GPI: variants seen among roughly 807,000 people sequenced by gnomAD.
GPI encodes the protein D-hexose-6-phosphate anomerase.
Under a neutral mutation model 75.8 loss-of-function variants are expected in GPI, and 56 were observed. The ratio of observed to expected loss-of-function variants is 0.74; its 90% CI spans 0.60 to 0.92. GPI has a LOEUF of 0.92. Ranked by LOEUF, GPI falls within the 40% of genes least tolerant of loss-of-function variation. The pLI is 0.00. For missense variants in GPI, 638 were observed against 741.0 expected, an observed-to-expected ratio of 0.86 and a Z score of 1.61; for synonymous variants, 288 against 285.4, an observed-to-expected ratio of 1.01 and a Z score of -0.09.
chr19:34,377,337 ATATATATAT>A (rs1386023859), intron 4 of GPI, among the ~76,000 whole-genome samples, 157 bp from the exon 5 acceptor site: 3 of 25,942 alleles, frequency 1.2e-4, no homozygotes, highest in Non-Finnish European at 1.9e-4. Context: ...AAAAAAAAAA[ATATATATAT>A]ATATATATAT....
Position 34,401,633 on chromosome 19 carries a change from C to G in GPI, c.*1597C>G, listed in dbSNP as rs1023299178. ...GGATTACAGGCGTGAGCCGCCACACCCAGCCTATTCAAAATTTTTTTTTCT... is the reference window on the plus strand; with the variant it reads ...GGATTACAGGCGTGAGCCGCCACACGCAGCCTATTCAAAATTTTTTTTTCT... On this transcript the variant is annotated 3_prime_UTR_variant, in exon 18 of 18. Transcript: ENST00000356487. The G allele has an allele frequency of 6.6e-6, 1 of 152,244 alleles. No homozygotes were observed. The highest frequency in any genetic ancestry group is 1.5e-5 in the Non-Finnish European group (1 of 68,116). The allele number at this position is 152,244 out of a possible 1,614,324, so 9.4% of individuals were successfully genotyped here.
rs757180020 is a variant in GPI, at chr19:34,366,848, C to T, written c.279C>T (p.Thr93=). The change falls in exon 3 of 18, where the codon ACC becomes ACT. Residue 93 remains threonine (T), a synonymous_variant. Transcript: ENST00000356487. ...TCAATGGTGAGAAGATCAACTACAC[C>T]GAGGTGAGCAGGCCCCACATACCCT... The part of the protein sequence containing the change: ...RMFNGEKINY[T]EGRAVLHVAL... The T allele has an allele frequency of 4.2e-5, 68 of 1,610,836 alleles. No homozygotes were observed. The highest frequency in any genetic ancestry group is 2.4e-4 in the South Asian group (22 of 91,012).
rs2074910112 is a variant in GPI at position 34,394,075 on chromosome 19, T to C, written c.1062+9T>C. 2 of 1,607,650 alleles carry C rather than the reference T, an allele frequency of 1.2e-6. No homozygotes were observed. Among genetic ancestry groups the C allele is most frequent in the African/African-American group, 1.3e-5 (1 of 74,886 alleles). On this transcript the variant is annotated intron_variant, in intron 12 of 17. Transcript: ENST00000356487. The stretch of plus-strand genomic sequence containing the variant: ...CTGCGTACTTCCAGCAGGTACCAGC[T>C]GCCAAGCCAGGCCTTGGAGTCAGCA...
At position 34,402,025 on chromosome 19, in the gene GPI, G is replaced by A. The variant is rs1473371259; in HGVS notation, c.*1989G>A. On this transcript the variant is annotated 3_prime_UTR_variant, in exon 18 of 18. Coordinates refer to ENST00000356487, the MANE Select transcript of GPI (RefSeq NM_000175.5). Reference sequence around the variant, plus strand: ...GGGGTTTCACCGTGTTAGCCAGGATGGTCTTGATCTCCTGACCTCATGATC... The same window carrying A: ...GGGGTTTCACCGTGTTAGCCAGGATAGTCTTGATCTCCTGACCTCATGATC... The A allele has an allele frequency of 1.3e-5, 2 of 151,808 alleles. No homozygotes were observed. The highest frequency in any genetic ancestry group is 2.4e-5 in the African/African-American group (1 of 41,322). The allele number at this position is 151,808 out of a possible 1,614,324, so 9.4% of individuals were successfully genotyped here.
rs1047686261 is a variant in GPI at position 34,387,825 on chromosome 19, A to G, written c.805-5423A>G. Among the ~76,000 whole-genome samples, 102 of 152,118 alleles carry G rather than the reference A, an allele frequency of 6.7e-4. 2 individuals are homozygous for G. Among genetic ancestry groups the G allele is most frequent in the Non-Finnish European group, 1.3e-4 (9 of 68,008 alleles). On this transcript the variant is annotated intron_variant, in intron 9 of 17. Coordinates refer to ENST00000356487, the MANE Select transcript of GPI (RefSeq NM_000175.5). Reference sequence around the variant, plus strand: ...AAGTACTGCTGGGCTTGTTAGGTGAAGTGGGTGGGGTCTAGCACAGGAATG... The same window carrying G: ...AAGTACTGCTGGGCTTGTTAGGTGAGGTGGGTGGGGTCTAGCACAGGAATG...
upstream of GPI, among the ~76,000 whole-genome samples, chr19:34,360,663 C>T (rs1016517347): frequency 2.0e-5 from 3 of 152,186 alleles, no homozygotes; most frequent in Middle Eastern, 3.2e-3. Flanking sequence ...TCCACTTTCC[C>T]TCCACCTTTT....
intron 9 of GPI, among the ~76,000 whole-genome samples, chr19:34,383,488 G>A (rs1053726638): frequency 9.2e-5 from 14 of 152,290 alleles, no homozygotes; most frequent in Admixed American, 1.3e-4. Context: ...TCAGGTAGTG[G>A]GTGGCTGATT....
chr19:34,379,882 G>A (rs1253465142), intron 8 of GPI: 1 of 506,904 alleles, frequency 2.0e-6, no homozygotes, highest in East Asian at 3.7e-5. Context: ...CTCCCCAAAT[G>A]TGACATGCTA....
At chr19:34,397,216 G>A (rs1599858253) in intron 14 of GPI, 1 of 162,334 alleles carries the variant, frequency 6.2e-6, no homozygotes, top group South Asian at 1.7e-4. Context: ...GTTTCTTTCT[G>A]GAGACCTTAG....
At chr19:34,398,857 A>G (rs2074981172) in intron 14 of GPI, 2 of 217,488 alleles carry the variant, frequency 9.2e-6, no homozygotes, top group African/African-American at 2.3e-5. Flanking sequence ...ATGCGCCACC[A>G]TGCCCAGCTA....
At chr19:34,375,364 G>A (rs1262398108) in intron 4 of GPI, among the ~76,000 whole-genome samples, 2 of 151,954 alleles carry the variant, frequency 1.3e-5, no homozygotes, top group Non-Finnish European at 2.9e-5. Context: ...TGACTAGGCT[G>A]GTCTCGAACT....
chr19:34,389,387 C>T (rs939312601), intron 9 of GPI, among the ~76,000 whole-genome samples: 5 of 152,162 alleles, frequency 3.3e-5, no homozygotes, highest in East Asian at 3.8e-4. Context: ...GTCCTCCCAC[C>T]GTGCCTCTCA....
chr19:34,383,143 A>T (rs1374407471), intron 9 of GPI, among the ~76,000 whole-genome samples: 1 of 152,100 alleles, frequency 6.6e-6, no homozygotes. Flanking sequence ...GGGTGTCGGG[A>T]TCAGGCAGGG....
intron 12 of GPI, among the ~76,000 whole-genome samples, chr19:34,395,938 TTTTTTTTC>T (rs1164435827): frequency 6.7e-6 from 1 of 150,330 alleles, no homozygotes; most frequent in East Asian, 1.9e-4. Context: ...TCCTTTTTTT[TTTTTTTTC>T]TTTTTTTTTG....
rs1395092687 is a variant in GPI at position 34,400,016 on chromosome 19, C to T, written c.1657C>T (p.Arg553Cys). 1.2e-5 allele frequency: 19 copies of T among 1,612,786 alleles called. No homozygotes were observed. Among genetic ancestry groups the T allele is most frequent in the Non-Finnish European group, 1.4e-5 (16 of 1,179,978 alleles). The change falls in exon 18 of 18, where the codon CGC becomes TGC. Residue 553 changes from arginine (R) to cysteine (C), a missense_variant. Arg to Cys is a radical substitution (Grantham distance 180). Transcript: ENST00000356487. ...NGLINFIKQQ[R>C]EARVQ ...GCTCATCAACTTCATCAAGCAGCAG[C>T]GCGAGGCCAGAGTCCAATAAACTCG... is the stretch of plus-strand genomic sequence containing the variant.
At chr19:34,369,488 CTT>C (rs1456357663) in intron 4 of GPI, among the ~76,000 whole-genome samples, 1 of 152,054 alleles carries the variant, frequency 6.6e-6, no homozygotes, top group African/African-American at 2.4e-5. Flanking sequence ...GGGTGGATCA[CTT>C]GAGGTAAGGA....
At chr19:34,398,692 C>T (rs1193327691) in intron 14 of GPI, 1 of 153,542 alleles carries the variant, frequency 6.5e-6, no homozygotes, top group Non-Finnish European at 1.4e-5. Context: ...AGCAGGACCC[C>T]TAGCAAGTGG....
intron 9 of GPI, 26 bp downstream of exon 9, chr19:34,381,545 G>T (rs75195216): frequency 2.0e-6 from 3 of 1,508,896 alleles, no homozygotes; most frequent in South Asian, 2.3e-5. Context: ...TCTGCACTGG[G>T]TGAATTAAGT....
At chr19:34,396,218 T>C (rs2074941928) in intron 12 of GPI, 83 bp from the exon 13 acceptor site, 1 of 1,522,544 alleles carries the variant, frequency 6.6e-7, no homozygotes, top group East Asian at 2.3e-5. Context: ...AATTACAGGC[T>C]TGAGCCACTG....
Sources: gnomAD v4.1 joint callset for allele counts (sites outside exome capture counted in the v4.1 genomes callset) on GRCh38, gnomAD v4.1.1 for gene constraint, MANE v1.5 for transcripts, NCBI Gene and HGNC (gene_info 2026-07-23, HGNC 2026-07-21) for gene names.